The following NID1 variants were observed in gnomAD, a reference collection of about 807,000 sequenced individuals.
NID1 encodes nidogen-1.
In NID1, 76 loss-of-function variants were observed where a neutral mutation model predicts 130.6. That is an observed-to-expected ratio of 0.58 (90% CI 0.48 to 0.70). NID1 has a LOEUF of 0.70. Among genes scored for constraint, NID1 ranks in the 30% least tolerant of loss-of-function variants. NID1 has a pLI of 0.00. For missense variants in NID1, 1,517 were observed against 1,664.8 expected, an observed-to-expected ratio of 0.91 and a Z score of 1.54; for synonymous variants, 665 against 675.1, an observed-to-expected ratio of 0.98 and a Z score of 0.23.
At chr1:236,003,130 G>T (rs1443551009) in intron 12 of NID1, among the ~76,000 whole-genome samples, 2 of 149,762 alleles carry the variant, frequency 1.3e-5, no homozygotes, top group African/African-American at 4.9e-5. Flanking sequence ...CCTAGTGAAC[G>T]ACTGGTAGTT....
intron 3 of NID1, among the ~76,000 whole-genome samples, chr1:236,043,331 TG>T (rs1659506907): frequency 6.6e-6 from 1 of 152,152 alleles, no homozygotes; most frequent in Non-Finnish European, 1.5e-5. Flanking sequence ...GGGGCAGTCC[TG>T]TGGGACTGAG....
In NID1 at chr1:236,013,707, T is replaced by G. The variant is rs1277513767; in HGVS notation, c.2255-147A>C. On this transcript the variant is annotated intron_variant, in intron 10 of 19. Transcript: ENST00000264187. ...GCTTCACCTGCACCCCACTCCTCAC[T>G]GGGCTGGTACTACTGCTTTCACCGT... is the stretch of plus-strand genomic sequence containing the variant. 4 of 886,684 alleles carry G rather than the reference T, an allele frequency of 4.5e-6. No homozygotes were observed. In the East Asian group the frequency reaches 8.0e-5, roughly 18 times the overall value. The allele number at this position is 886,684 out of a possible 1,614,324, so 54.9% of individuals were successfully genotyped here. A position where few individuals can be genotyped will look rare whatever the true frequency, so the allele number is the denominator to read the frequency against.
chr1:236,041,772 G>T, intron 4 of NID1, 138 bp downstream of exon 4: 1 of 1,093,244 alleles, frequency 9.1e-7, no homozygotes, highest in Non-Finnish European at 1.3e-6. Flanking sequence ...GGCTGTGAGA[G>T]TTCAGCCTCT....
At chr1:236,059,867 T>C (rs10927362) in intron 1 of NID1, among the ~76,000 whole-genome samples, 11,766 of 152,152 alleles carry the variant, frequency 0.077, 1,412 homozygotes, top group African/African-American at 0.25. Context: ...TTTGGGAGGC[T>C]GAGATGGGAG....
At chr1:235,988,359 TAAAAAAC>T (rs1322572822) in intron 14 of NID1, among the ~76,000 whole-genome samples, 1 of 152,150 alleles carries the variant, frequency 6.6e-6, no homozygotes, top group Non-Finnish European at 1.5e-5. Flanking sequence ...TGGCTATCAT[TAAAAAAC>T]AAAAACAGCC....
chr1:236,046,684 G>C (rs2102844024), intron 2 of NID1, among the ~76,000 whole-genome samples: 1 of 152,284 alleles, frequency 6.6e-6, no homozygotes, highest in East Asian at 1.9e-4. Context: ...TGCGGAGGTG[G>C]AACAGATTAG....
At chr1:236,064,414 C>G (rs1025316753) in intron 1 of NID1, 3 of 196,960 alleles carry the variant, frequency 1.5e-5, no homozygotes, top group Admixed American at 6.4e-5. Context: ...ACAAGAGTCC[C>G]GGGGCCCGCG....
intron 9 of NID1, among the ~76,000 whole-genome samples, chr1:236,021,691 T>C (rs551551546): frequency 2.3e-4 from 35 of 152,274 alleles, no homozygotes; most frequent in African/African-American, 7.7e-4. Context: ...GAACACACTA[T>C]TCATCCCACC....
chr1:236,015,894 C>G (rs1558433893), intron 10 of NID1, among the ~76,000 whole-genome samples: 2 of 152,082 alleles, frequency 1.3e-5, no homozygotes, highest in Non-Finnish European at 2.9e-5. Flanking sequence ...TGCATCCCAG[C>G]CTGCCCCTTC....
Position 235,981,028 on chromosome 1 carries a change from A to G in NID1, c.3228-375T>C, listed in dbSNP as rs754237408. On this transcript the variant is annotated intron_variant, in intron 16 of 19. Transcript: ENST00000264187. ...CAGACCCAGGGGACCAGACTAGGACAAGAAGCAGATGTTGGCAGGGGCTGT... is the reference window on the plus strand; with the variant it reads ...CAGACCCAGGGGACCAGACTAGGACGAGAAGCAGATGTTGGCAGGGGCTGT... Among the ~76,000 whole-genome samples, 5 of 152,366 alleles carry G rather than the reference A, an allele frequency of 3.3e-5. No homozygotes were observed. The South Asian group carries it at 8.3e-4, about 25-fold the overall frequency.
At chr1:236,027,839 C>CAAA (rs58562575) in intron 7 of NID1, among the ~76,000 whole-genome samples, 4 of 149,410 alleles carry the variant, frequency 2.7e-5, no homozygotes, top group African/African-American at 1.0e-4. Context: ...AAAACAACAA[C>CAAA]CAGAAAACAA....
chr1:236,031,865 A>G (rs1420740867), intron 6 of NID1, among the ~76,000 whole-genome samples: 1 of 152,186 alleles, frequency 6.6e-6, no homozygotes, highest in Non-Finnish European at 1.5e-5. Context: ...GTCTCTAAAA[A>G]ACTCCAAGGA....
intron 1 of NID1, among the ~76,000 whole-genome samples, chr1:236,061,207 C>G (rs779991676): frequency 2.6e-5 from 4 of 152,120 alleles, no homozygotes; most frequent in Non-Finnish European, 1.5e-5. Flanking sequence ...CAAAGATCAT[C>G]GATAGATGCT....
intron 12 of NID1, among the ~76,000 whole-genome samples, chr1:235,996,448 GTA>G (rs886817611): frequency 1.3e-5 from 2 of 151,952 alleles, no homozygotes; most frequent in African/African-American, 2.4e-5. Flanking sequence ...TTCACTCCAT[GTA>G]TTTTTTTTTT....
In NID1 at chr1:236,013,531, A is replaced by G. The variant is rs369167894; in HGVS notation, c.2284T>C (p.Cys762Arg). The G allele has an allele frequency of 1.9e-6, 3 of 1,614,046 alleles. No homozygotes were observed. In the African/African-American group the frequency reaches 4.0e-5, roughly 22 times the overall value. ...AVVDQRPINY[C>R]ETGLHNCDIP... is the part of the protein sequence containing the mutation. ...TCGCAGTTATGAAGGCCAGTTTCAC[A>G]GTAGTTGATGGGGCGCTGGTCCACG... is the stretch of plus-strand genomic sequence containing the variant. Residue 762 changes from cysteine (C) to arginine (R), a missense_variant, in exon 11 of 20, where the codon TGT (cysteine) becomes CGT (arginine). Cys to Arg is a radical substitution (Grantham distance 180). Around this residue, in one of 3 missense-constraint regions of NID1, gnomAD observed 1,329 missense variants for 1,429.2 expected, o/e 0.93. Coordinates refer to ENST00000264187, the MANE Select transcript of NID1 (RefSeq NM_002508.3).
chr1:235,979,032 C>T lies in NID1; in HGVS notation c.3585G>A (p.Leu1195=), dbSNP rs777669133. 5 of 1,614,026 alleles carry T rather than the reference C, an allele frequency of 3.1e-6. No homozygotes were observed. The highest frequency in any genetic ancestry group is 2.2e-5 in the East Asian group (1 of 44,880). Residue 1195 remains leucine, a synonymous_variant, in exon 19 of 20, where the codon CTG becomes CTA. Transcript: ENST00000264187. This position sits in a 1 kb window ranked among gnomAD's most constrained non-coding sequence, Gnocchi z 4.6. ...DAFQPHKQTR[L]YGITTALSQC... ...GAGACAGGGCCGTGGTGATGCCATA[C>T]AGCCGGGTCTGCTTGTGGGGTTGGA... is the stretch of plus-strand genomic sequence containing the variant.
chr1:236,048,614 A>T, intron 2 of NID1, 76 bp downstream of exon 2: 1 of 1,478,374 alleles, frequency 6.8e-7, no homozygotes, highest in Non-Finnish European at 9.1e-7. Context: ...ATGTCAAAGC[A>T]GCACAAGGCG....
At chr1:235,994,404 C>T (rs12039895) in intron 12 of NID1, among the ~76,000 whole-genome samples, 26,080 of 152,186 alleles carry the variant, frequency 0.17, 2,921 homozygotes, top group East Asian at 0.56. Flanking sequence ...TTAGGTGATC[C>T]GCCTGCCTCA....
chr1:236,007,473 C>G (rs545067568), intron 12 of NID1, among the ~76,000 whole-genome samples: 45 of 152,322 alleles, frequency 3.0e-4, no homozygotes, highest in African/African-American at 9.9e-4. Flanking sequence ...CCCTGTCACA[C>G]TGCAAGAGGG....
Sources: allele counts gnomAD v4.1 joint callset (sites outside exome capture counted in the v4.1 genomes callset), GRCh38; gene constraint gnomAD v4.1.1; regional missense constraint gnomAD v4.1.1; non-coding constraint Gnocchi (gnomAD v3.1); transcripts MANE v1.5; gene names NCBI Gene and HGNC (gene_info 2026-07-23, HGNC 2026-07-21).